Variants in NKAIN2 observed in about 807,000 individuals in gnomAD.
The protein encoded by NKAIN2 is sodium/potassium-transporting ATPase subunit beta-1-interacting protein 2.
A neutral mutation model predicts 32.6 loss-of-function variants in NKAIN2; 14 were observed. The observed-to-expected ratio is 0.43, with a 90% CI of 0.28 to 0.67. NKAIN2 has a LOEUF of 0.67. Ranked by LOEUF, NKAIN2 falls within the 30% of genes least tolerant of loss-of-function variation. The pLI, the probability that NKAIN2 is intolerant of heterozygous loss-of-function variation, is 0.17. For missense variants in NKAIN2, 198 were observed against 258.3 expected (o/e 0.77, Z 1.60); for synonymous variants, 80 against 87.2 (o/e 0.92, Z 0.46).
chr6:124,278,271 C>T (rs1393952371), intron 1 of NKAIN2, among the ~76,000 whole-genome samples: 1 of 152,072 alleles, frequency 6.6e-6, no homozygotes, highest in Non-Finnish European at 1.5e-5. Context: ...TAAATCCTCT[C>T]CTATGAAGAG....
At chr6:124,638,846 G>T (rs1299010080) in intron 3 of NKAIN2, among the ~76,000 whole-genome samples, 1 of 125,088 alleles carries the variant, frequency 8.0e-6, no homozygotes, top group Non-Finnish European at 1.6e-5. Context: ...AGCTGAGATT[G>T]CACCACTGCA....
chr6:124,142,085 A>G (rs1394689473), intron 1 of NKAIN2, among the ~76,000 whole-genome samples: 1 of 152,258 alleles, frequency 6.6e-6, no homozygotes, highest in African/African-American at 2.4e-5. Flanking sequence ...CTCCTCTGAC[A>G]TTATTCCACA....
chr6:124,533,471 CAAAA>C (rs201100605), intron 3 of NKAIN2, among the ~76,000 whole-genome samples: 2,635 of 58,976 alleles, frequency 0.045, 86 homozygotes, highest in Middle Eastern at 0.059. Flanking sequence ...GACTCTGTCT[CAAAA>C]AAAAAAAAAA....
chr6:124,433,369 G>A (rs1342772102), intron 3 of NKAIN2, among the ~76,000 whole-genome samples: 4 of 152,158 alleles, frequency 2.6e-5, no homozygotes, highest in African/African-American at 4.8e-5. Context: ...GTATTTTTAT[G>A]GTGGCATTGC....
intron 1 of NKAIN2, among the ~76,000 whole-genome samples, chr6:124,072,575 C>T (rs1357670799): frequency 6.6e-6 from 1 of 152,160 alleles, no homozygotes; most frequent in Non-Finnish European, 1.5e-5. Context: ...TTCCAAGCGA[C>T]ACAAACCATT....
At chr6:124,031,816 T>C (rs1433390565) in intron 1 of NKAIN2, among the ~76,000 whole-genome samples, 3 of 152,014 alleles carry the variant, frequency 2.0e-5, no homozygotes, top group Non-Finnish European at 4.4e-5. Flanking sequence ...TGCTGAGGAG[T>C]GCTTTATTTC....
At chr6:124,430,153 G>A (rs969565848) in intron 3 of NKAIN2, among the ~76,000 whole-genome samples, 2 of 152,162 alleles carry the variant, frequency 1.3e-5, no homozygotes, top group African/African-American at 4.8e-5. Context: ...ATAATTCCTT[G>A]AGGAAATTTA....
At chr6:123,917,810 A>C (rs1284627981) in intron 1 of NKAIN2, among the ~76,000 whole-genome samples, 2 of 152,122 alleles carry the variant, frequency 1.3e-5, no homozygotes, top group African/African-American at 4.8e-5. Flanking sequence ...CCTAATACCA[A>C]GTGAATTAAG....
intron 3 of NKAIN2, among the ~76,000 whole-genome samples, chr6:124,356,710 G>A (rs62434729): frequency 0.024 from 3,659 of 152,190 alleles, 92 homozygotes; most frequent in Non-Finnish European, 0.034. Context: ...ACTCACATTC[G>A]CCTCAGTGTA....
At chr6:124,549,569 T>C (rs1373540505) in intron 3 of NKAIN2, among the ~76,000 whole-genome samples, 1 of 152,176 alleles carries the variant, frequency 6.6e-6, no homozygotes, top group Non-Finnish European at 1.5e-5. Context: ...AGCACAGAAC[T>C]TATTCAGTGT....
chr6:123,954,268 C>T lies in NKAIN2; in HGVS notation c.54+150014C>T, dbSNP rs557311898. Among the ~76,000 whole-genome samples the T allele has an allele frequency of 1.7e-3, 261 of 152,290 alleles. 2 individuals are homozygous for T. The highest frequency in any genetic ancestry group is 6.0e-3 in the African/African-American group (249 of 41,560). On this transcript the variant is annotated intron_variant, in intron 1 of 6. Coordinates refer to ENST00000368417, the MANE Select transcript of NKAIN2 (RefSeq NM_001040214.3). Reference sequence around the variant, plus strand: ...GACTCGGGGTGTGTGTGGGATACAGCGTGAGCTCCCTCTCTGGAGCAGTGC... The same window carrying T: ...GACTCGGGGTGTGTGTGGGATACAGTGTGAGCTCCCTCTCTGGAGCAGTGC...
intron 3 of NKAIN2, chr6:124,390,629 A>C (rs566639131): frequency 6.6e-6 from 1 of 152,248 alleles, no homozygotes; most frequent in East Asian, 1.9e-4. Flanking sequence ...GATTAGGAAA[A>C]GTCCAGTGAT....
chr6:124,358,049 G>GTA (rs1324933855), intron 3 of NKAIN2, among the ~76,000 whole-genome samples: 1 of 152,150 alleles, frequency 6.6e-6, no homozygotes, highest in Non-Finnish European at 1.5e-5. Context: ...CCTTGCAATA[G>GTA]TTTGCTCAGA....
intron 1 of NKAIN2, among the ~76,000 whole-genome samples, chr6:124,239,934 C>CA (rs1186488010): frequency 6.6e-6 from 1 of 151,854 alleles, no homozygotes; most frequent in Non-Finnish European, 1.5e-5. Context: ...AAAACACCTT[C>CA]AAAAAATCAA....
intron 1 of NKAIN2, among the ~76,000 whole-genome samples, chr6:123,988,554 AACT>A (rs1779263020): frequency 6.6e-6 from 1 of 152,184 alleles, no homozygotes; most frequent in Non-Finnish European, 1.5e-5. Context: ...AAAGCTGTAA[AACT>A]ACTCAGCACT....
At chr6:124,658,647 AT>A in intron 4 of NKAIN2, 1 of 808,130 alleles carries the variant, frequency 1.2e-6, no homozygotes, top group African/African-American at 1.7e-5. Context: ...TCAAGATGTG[AT>A]TACGTGACTT....
intron 1 of NKAIN2, among the ~76,000 whole-genome samples, chr6:124,245,415 A>C (rs1793343661): frequency 6.6e-6 from 1 of 152,056 alleles, no homozygotes; most frequent in South Asian, 2.1e-4. Context: ...TAGAATTTGG[A>C]ATCCACAGGA....
intron 3 of NKAIN2, among the ~76,000 whole-genome samples, chr6:124,479,924 CA>C (rs1777377921): frequency 6.6e-6 from 1 of 151,954 alleles, no homozygotes; most frequent in African/African-American, 2.4e-5. Context: ...AAAACAAAGA[CA>C]AAACAACTAA....
chr6:124,759,642 CACACACACACACA>C (rs1434346781), intron 4 of NKAIN2, among the ~76,000 whole-genome samples: 262 of 125,690 alleles, frequency 2.1e-3, no homozygotes, highest in African/African-American at 3.5e-3. Flanking sequence ...CACACACACA[CACACACACACACA>C]CCCCCTATCT....
Sources: allele counts gnomAD v4.1 joint callset (sites outside exome capture counted in the v4.1 genomes callset), GRCh38; gene constraint gnomAD v4.1.1; transcripts MANE v1.5; gene names NCBI Gene and HGNC (gene_info 2026-07-23, HGNC 2026-07-21).